ZNF277: variants seen among roughly 807,000 people sequenced by gnomAD.
ZNF277 encodes nuclear receptor-interacting factor 4.
ZNF277 carries 55 observed loss-of-function variants against 60.7 expected under a neutral mutation model. The ratio of observed to expected loss-of-function variants is 0.91; its 90% CI spans 0.73 to 1.13. The LOEUF is 1.13. Ranked by LOEUF, ZNF277 falls within the 50% of genes most tolerant of loss-of-function variation. ZNF277 has a pLI of 0.00. For synonymous variants in ZNF277, 178 were observed against 179.3 expected (o/e 0.99, Z 0.06); for missense variants, 510 against 523.0 (o/e 0.98, Z 0.24).
chr7:112,279,196 C>G (rs1163046504), intron 1 of ZNF277, among the ~76,000 whole-genome samples: 1 of 152,126 alleles, frequency 6.6e-6, no homozygotes, highest in Non-Finnish European at 1.5e-5. Flanking sequence ...GTTTTCAATT[C>G]TTTTGGATAA....
chr7:112,256,612 A>G (rs1161452854), intron 1 of ZNF277, among the ~76,000 whole-genome samples: 1 of 151,668 alleles, frequency 6.6e-6, no homozygotes, highest in African/African-American at 2.4e-5. Flanking sequence ...TGCTTGGCTA[A>G]TGTTTTTATT....
chr7:112,241,724 C>T (rs1356278550), intron 1 of ZNF277, among the ~76,000 whole-genome samples: 2 of 152,078 alleles, frequency 1.3e-5, no homozygotes, highest in African/African-American at 4.8e-5. Context: ...AATTGGAGGA[C>T]ATTTTGTTAA....
chr7:112,254,740 G>C (rs578007416), intron 1 of ZNF277, among the ~76,000 whole-genome samples: 4 of 152,228 alleles, frequency 2.6e-5, no homozygotes, highest in East Asian at 3.9e-4. Context: ...AGGCCAAAGC[G>C]GGAAGATTGC....
intron 1 of ZNF277, among the ~76,000 whole-genome samples, chr7:112,276,459 T>A (rs1009496095): frequency 3.3e-5 from 5 of 152,166 alleles, no homozygotes; most frequent in African/African-American, 1.2e-4. Context: ...CTTTATAGAA[T>A]GAGAATGTAA....
chr7:112,250,617 G>T (rs1178124832), intron 1 of ZNF277, among the ~76,000 whole-genome samples: 2 of 152,070 alleles, frequency 1.3e-5, no homozygotes, highest in Admixed American at 6.6e-5. Flanking sequence ...TCTCAAGCTG[G>T]CCAACGCTTC....
intron 1 of ZNF277, among the ~76,000 whole-genome samples, chr7:112,218,839 C>T (rs1821953604): frequency 6.6e-6 from 1 of 152,150 alleles, no homozygotes; most frequent in Non-Finnish European, 1.5e-5. Context: ...TATATATATG[C>T]ACCACATTTT....
intron 7 of ZNF277, among the ~76,000 whole-genome samples, chr7:112,334,233 C>A (rs1025399851): frequency 6.6e-6 from 1 of 151,762 alleles, no homozygotes; most frequent in Non-Finnish European, 1.5e-5. Context: ...CTTTTTTTTC[C>A]ATGTTTTTTT....
chr7:112,326,040 A>T (rs982217102), intron 5 of ZNF277, among the ~76,000 whole-genome samples: 4 of 152,144 alleles, frequency 2.6e-5, no homozygotes, highest in African/African-American at 9.7e-5. Context: ...TAGATGCCAG[A>T]TTCTTGAGCC....
chr7:112,286,821 G>C (rs1389092009), intron 1 of ZNF277, 52 bp from the exon 2 acceptor site: 1 of 1,415,952 alleles, frequency 7.1e-7, no homozygotes, highest in East Asian at 2.5e-5. Context: ...TGAAGAGTTG[G>C]TTTCAGCTTT....
intron 1 of ZNF277, among the ~76,000 whole-genome samples, chr7:112,285,992 T>G (rs1792055390): frequency 6.6e-6 from 1 of 152,164 alleles, no homozygotes; most frequent in African/African-American, 2.4e-5. Flanking sequence ...TACCCCAGTT[T>G]CCTGATTACT....
intron 1 of ZNF277, among the ~76,000 whole-genome samples, chr7:112,233,211 T>A (rs143324186): frequency 1.3e-5 from 2 of 152,346 alleles, no homozygotes; most frequent in Admixed American, 1.3e-4. Context: ...TACATTCAGA[T>A]GCCCAGTAAA....
intron 1 of ZNF277, among the ~76,000 whole-genome samples, chr7:112,283,927 A>G (rs1792005001): frequency 6.6e-6 from 1 of 152,192 alleles, no homozygotes; most frequent in Middle Eastern, 3.2e-3. Context: ...TTATAAATGT[A>G]TATATATAAC....
chr7:112,247,074 A>G (rs1183462369), intron 1 of ZNF277, among the ~76,000 whole-genome samples: 4 of 152,224 alleles, frequency 2.6e-5, no homozygotes, highest in Admixed American at 2.0e-4. Context: ...TTAGCAATGT[A>G]TAACCAATCA....
intron 4 of ZNF277, among the ~76,000 whole-genome samples, chr7:112,310,389 CTGG>C (rs1203610037): frequency 6.6e-6 from 1 of 151,102 alleles, no homozygotes; most frequent in Non-Finnish European, 1.5e-5. Context: ...AACCCTTTAC[CTGG>C]TGTGTTTCCC....
chr7:112,231,371 T>C (rs1822324749), intron 1 of ZNF277, among the ~76,000 whole-genome samples: 1 of 152,216 alleles, frequency 6.6e-6, no homozygotes, highest in Admixed American at 6.5e-5. Context: ...TTTTCTCTTA[T>C]TGAAAACTTA....
rs114319659 is a variant in ZNF277 at position 112,305,032 on chromosome 7, C to T, written c.465+8721C>T. The stretch of plus-strand genomic sequence containing the variant: ...TGGCTATGTCTGTGTTCCTCAAACA[C>T]ACCAAGCTGTTTCCAGCTTTAAGGA... On this transcript the variant is annotated intron_variant, in intron 4 of 11. Coordinates refer to ENST00000361822, the MANE Select transcript of ZNF277 (RefSeq NM_021994.3). 3.7e-3 allele frequency among the ~76,000 whole-genome samples: 566 copies of T among 152,254 alleles called. 4 individuals are homozygous for T. The highest frequency in any genetic ancestry group is 0.013 in the African/African-American group (530 of 41,574).
chr7:112,242,423 C>A (rs919944730), intron 1 of ZNF277, among the ~76,000 whole-genome samples: 2 of 151,720 alleles, frequency 1.3e-5, no homozygotes, highest in Admixed American at 1.3e-4. Flanking sequence ...GCTAAAGATG[C>A]CTAGATTTTA....
At chr7:112,219,117 C>T (rs1821961144) in intron 1 of ZNF277, among the ~76,000 whole-genome samples, 1 of 152,208 alleles carries the variant, frequency 6.6e-6, no homozygotes, top group African/African-American at 2.4e-5. Flanking sequence ...TCCACACTCT[C>T]TCCAATGCTT....
At chr7:112,257,881 G>A (rs926104951) in intron 1 of ZNF277, among the ~76,000 whole-genome samples, 4 of 151,752 alleles carry the variant, frequency 2.6e-5, no homozygotes, top group African/African-American at 9.7e-5. Context: ...TGGCCCATTC[G>A]TAACTCACAG....
Sources: gnomAD v4.1 joint callset for allele counts (sites outside exome capture counted in the v4.1 genomes callset) on GRCh38, gnomAD v4.1.1 for gene constraint, MANE v1.5 for transcripts, NCBI Gene and HGNC (gene_info 2026-07-23, HGNC 2026-07-21) for gene names.